Variants in GRM3 observed in about 807,000 individuals in gnomAD.
GRM3 encodes the protein metabotropic glutamate receptor 3.
A neutral mutation model predicts 70.5 loss-of-function variants in GRM3; 26 were observed. The observed-to-expected ratio is 0.37, with a 90% CI of 0.27 to 0.51. GRM3 has a LOEUF of 0.51. Among genes scored for constraint, GRM3 ranks in the 20% least tolerant of loss-of-function variants. The pLI, the probability that GRM3 is intolerant of heterozygous loss-of-function variation, is 0.93. For synonymous variants in GRM3, 443 were observed against 434.9 expected (o/e 1.02, Z -0.23); for missense variants, 859 against 1,123.8 (o/e 0.76, Z 3.37).
In GRM3 at chr7:86,730,925, C is replaced by G. The variant is rs1026439968; in HGVS notation, c.-140-34081C>G. The stretch of plus-strand genomic sequence containing the variant: ...AGGGTCAGCTATCACTATGTCTTGA[C>G]AAACCTCCTTCTATGACTACCCTTT... On this transcript the variant is annotated intron_variant, in intron 1 of 5. Coordinates refer to ENST00000361669, the MANE Select transcript of GRM3 (RefSeq NM_000840.3). 5.9e-5 allele frequency among the ~76,000 whole-genome samples: 9 copies of G among 152,250 alleles called. No homozygotes were observed. The East Asian group carries it at 1.7e-3, about 29-fold the overall frequency.
chr7:86,763,470 G>A (rs1157924228), intron 1 of GRM3, among the ~76,000 whole-genome samples: 1 of 152,142 alleles, frequency 6.6e-6, no homozygotes. Context: ...TTCAACAGCA[G>A]GTACATAGGT....
At chr7:86,793,207 A>C (rs1193975862) in intron 3 of GRM3, among the ~76,000 whole-genome samples, 4 of 152,050 alleles carry the variant, frequency 2.6e-5, no homozygotes, top group Non-Finnish European at 5.9e-5. Flanking sequence ...GATTCATCCA[A>C]TAGGAACAAG....
At chr7:86,661,725 A>G (rs986373436) in intron 1 of GRM3, among the ~76,000 whole-genome samples, 1 of 151,936 alleles carries the variant, frequency 6.6e-6, no homozygotes, top group Non-Finnish European at 1.5e-5. Context: ...AGAATAAAAA[A>G]CATTTTTTCC....
At chr7:86,781,006 T>C (rs1233276612) in intron 2 of GRM3, among the ~76,000 whole-genome samples, 4 of 152,150 alleles carry the variant, frequency 2.6e-5, no homozygotes, top group African/African-American at 9.7e-5. Context: ...ATGACAAAAG[T>C]GAGTACAGTG....
In GRM3 at chr7:86,810,337, A is replaced by C. The variant is rs191333932; in HGVS notation, c.1324+23221A>C. Among the ~76,000 whole-genome samples, 672 of 152,140 alleles carry C rather than the reference A, an allele frequency of 4.4e-3. 6 individuals carry two copies. The highest frequency in any genetic ancestry group is 0.016 in the African/African-American group (649 of 41,536). On this transcript the variant is annotated intron_variant, in intron 3 of 5. Coordinates refer to ENST00000361669, the MANE Select transcript of GRM3 (RefSeq NM_000840.3). The stretch of plus-strand genomic sequence containing the variant: ...GGAACATAGCAAGCACAAACTTTTT[A>C]AGAATAACATGGATATGATATTAAA...
intron 1 of GRM3, among the ~76,000 whole-genome samples, chr7:86,648,923 C>T (rs779898710): frequency 6.6e-6 from 1 of 152,010 alleles, no homozygotes; most frequent in Non-Finnish European, 1.5e-5. Flanking sequence ...TGATATAAAT[C>T]AGGAAATAAG....
At chr7:86,754,166 A>C (rs1796292485) in intron 1 of GRM3, among the ~76,000 whole-genome samples, 2 of 152,274 alleles carry the variant, frequency 1.3e-5, no homozygotes, top group South Asian at 4.1e-4. Flanking sequence ...TCTGATATAC[A>C]CAAGTTGACT....
intron 1 of GRM3, among the ~76,000 whole-genome samples, chr7:86,646,016 TGGGA>T (rs1562811338): frequency 1.0e-4 from 1 of 9,898 alleles, no homozygotes; most frequent in African/African-American, 4.2e-4. Context: ...TGGGGGGGGG[TGGGA>T]GGGAGTTTAG....
chr7:86,778,527 G>A (rs1796956632), intron 2 of GRM3, among the ~76,000 whole-genome samples: 1 of 152,160 alleles, frequency 6.6e-6, no homozygotes, highest in African/African-American at 2.4e-5. Flanking sequence ...TATATCCTGA[G>A]TAGAAATAGT....
chr7:86,673,658 C>G lies in GRM3; in HGVS notation c.-141+28786C>G, dbSNP rs1467760146. On this transcript the variant is annotated intron_variant, in intron 1 of 5. Coordinates refer to ENST00000361669, the MANE Select transcript of GRM3 (RefSeq NM_000840.3). ...CTCTATGCTGATGATTCCTTAATCC[C>G]TATCTCCTCATTGGTACATCTATTC... is the stretch of plus-strand genomic sequence containing the variant. Among the ~76,000 whole-genome samples, 5 of 151,954 alleles carry G rather than the reference C, an allele frequency of 3.3e-5. No individual in the cohort carries two copies. The South Asian group carries it at 1.0e-3, about 32-fold the overall frequency.
At chr7:86,694,638 C>T (rs1794773949) in intron 1 of GRM3, among the ~76,000 whole-genome samples, 1 of 151,586 alleles carries the variant, frequency 6.6e-6, no homozygotes, top group African/African-American at 2.4e-5. Context: ...AAAGACAAAG[C>T]ATTTAATAAA....
intron 3 of GRM3, 123 bp downstream of exon 3, chr7:86,787,239 T>C (rs2116551736): frequency 2.6e-6 from 2 of 781,634 alleles, no homozygotes; most frequent in South Asian, 3.5e-5. Flanking sequence ...TTCAAACTGT[T>C]AACCAAATAT....
chr7:86,786,351 T>G lies in GRM3; in HGVS notation c.559T>G (p.Phe187Val). ...KLSDKSRYDY[F>V]ARTVPPDFYQ... ...CAGTGATAAGTCGCGCTATGATTAC[T>G]TTGCCAGGACCGTGCCCCCCGACTT... The change falls in exon 3 of 6, where the codon TTT becomes GTT. Residue 187 changes from phenylalanine (F) to valine (V), a missense_variant. By Grantham distance (50) the Phe-to-Val change is conservative (BLOSUM62 -1). Transcript: ENST00000361669. This position sits in a 1 kb window ranked among gnomAD's most constrained non-coding sequence, Gnocchi z 6.0. 1 of 1,614,172 alleles carries G rather than the reference T, an allele frequency of 6.2e-7. No individual in the cohort carries two copies. Among genetic ancestry groups the G allele is most frequent in the Non-Finnish European group, 8.5e-7 (1 of 1,180,024 alleles).
At chr7:86,862,503 T>G (rs1399025086) in intron 5 of GRM3, among the ~76,000 whole-genome samples, 1 of 152,150 alleles carries the variant, frequency 6.6e-6, no homozygotes, top group Non-Finnish European at 1.5e-5. Flanking sequence ...TTTCAGGAAA[T>G]GCATATGACA....
intron 3 of GRM3, among the ~76,000 whole-genome samples, chr7:86,812,116 T>TA (rs1797922089): frequency 1.3e-5 from 2 of 151,796 alleles, no homozygotes; most frequent in Admixed American, 1.3e-4. Context: ...TGCAGTTTAT[T>TA]AGTTTGAAAT....
intron 3 of GRM3, among the ~76,000 whole-genome samples, chr7:86,789,854 T>C (rs1797361775): frequency 6.6e-6 from 1 of 152,214 alleles, no homozygotes; most frequent in Non-Finnish European, 1.5e-5. Flanking sequence ...AATTCCAGCA[T>C]TGGTCAACAT....
At chr7:86,751,485 C>T (rs1232320232) in intron 1 of GRM3, among the ~76,000 whole-genome samples, 1 of 152,196 alleles carries the variant, frequency 6.6e-6, no homozygotes, top group East Asian at 1.9e-4. Flanking sequence ...TTGTTTAAAT[C>T]ATTGAACATA....
intron 1 of GRM3, among the ~76,000 whole-genome samples, chr7:86,750,321 A>T (rs984045966): frequency 1.3e-5 from 2 of 152,104 alleles, no homozygotes; most frequent in African/African-American, 2.4e-5. Flanking sequence ...CTTTGTGACC[A>T]ATAGCATGCT....
rs1798227318 is a variant in GRM3 at position 86,826,053 on chromosome 7, G to A, written c.1325-12786G>A. On this transcript the variant is annotated intron_variant, in intron 3 of 5. Transcript: ENST00000361669. The stretch of plus-strand genomic sequence containing the variant: ...GCATTTCTAGCCAACTTTGTTTGGG[G>A]AAAGCCTTTTTGCCCCTTTTTAAGA... Among the ~76,000 whole-genome samples the A allele has an allele frequency of 2.0e-5, 3 of 152,150 alleles. No individual in the cohort carries two copies. The South Asian group carries it at 6.2e-4, about 32-fold the overall frequency.
Sources: gnomAD v4.1 joint callset for allele counts (sites outside exome capture counted in the v4.1 genomes callset) on GRCh38, gnomAD v4.1.1 for gene constraint, Gnocchi (gnomAD v3.1) non-coding constraint, MANE v1.5 for transcripts, NCBI Gene and HGNC (gene_info 2026-07-23, HGNC 2026-07-21) for gene names.